The following LDLRAD3 variants were observed in gnomAD, a reference collection of about 807,000 sequenced individuals.
LDLRAD3 encodes the protein low density lipoprotein receptor class A domain containing 3.
In LDLRAD3, 20 loss-of-function variants were observed where a neutral mutation model predicts 29.4. The ratio of observed to expected loss-of-function variants is 0.68; its 90% CI spans 0.48 to 0.99. LDLRAD3 has a LOEUF of 0.99. Among genes scored for constraint, LDLRAD3 ranks in the 50% least tolerant of loss-of-function variants. The pLI is 0.00. For missense variants in LDLRAD3, 420 were observed against 454.3 expected, an observed-to-expected ratio of 0.92 and a Z score of 0.69; for synonymous variants, 157 against 192.7, an observed-to-expected ratio of 0.81 and a Z score of 1.53.
At chr11:36,176,904 C>A (rs768396993) in intron 4 of LDLRAD3, among the ~76,000 whole-genome samples, 114 of 152,246 alleles carry the variant, frequency 7.5e-4, no homozygotes, top group Non-Finnish European at 4.0e-4. Flanking sequence ...CCCTCAAATA[C>A]GTTTTCCAAA....
intron 3 of LDLRAD3, among the ~76,000 whole-genome samples, chr11:36,083,514 G>A (rs545281952): frequency 3.0e-4 from 45 of 152,038 alleles, no homozygotes; most frequent in East Asian, 2.9e-3. Flanking sequence ...AATAATAACC[G>A]AAAAGTAGTC....
At chr11:36,133,230 C>A (rs528267963) in intron 4 of LDLRAD3, among the ~76,000 whole-genome samples, 1 of 140,662 alleles carries the variant, frequency 7.1e-6, no homozygotes, top group South Asian at 2.3e-4. Flanking sequence ...GAGATGGGGC[C>A]TTGCTATGTT....
chr11:36,035,395 G>A (rs762631371), intron 1 of LDLRAD3, among the ~76,000 whole-genome samples: 11 of 152,236 alleles, frequency 7.2e-5, no homozygotes, highest in South Asian at 2.1e-4. Flanking sequence ...CCTGAGGGTT[G>A]GCTGTTCGGG....
chr11:36,098,102 T>A (rs1853389865), intron 3 of LDLRAD3, among the ~76,000 whole-genome samples: 1 of 152,190 alleles, frequency 6.6e-6, no homozygotes, highest in Non-Finnish European at 1.5e-5. Flanking sequence ...TTAACCAGAG[T>A]GGCAGATCTC....
Position 36,227,459 on chromosome 11 carries a change from G to T in LDLRAD3, c.800+29G>T, listed in dbSNP as rs369022315. The T allele has an allele frequency of 2.0e-6, 3 of 1,478,282 alleles. No homozygotes were observed. The East Asian group carries it at 6.9e-5, about 34-fold the overall frequency. 91.6% of individuals were successfully genotyped at this position (1,478,282 alleles called of 1,614,324 possible). On this transcript the variant is annotated intron_variant, in intron 5 of 5. Coordinates refer to ENST00000315571, the MANE Select transcript of LDLRAD3 (RefSeq NM_174902.4). ...TGTGCTGGATGGAAGAGATTGAGGC[G>T]GGAGAGGTCATCCATTGCGGGGAGG...
chr11:36,128,922 G>C (rs1853884839), intron 4 of LDLRAD3, among the ~76,000 whole-genome samples: 1 of 151,858 alleles, frequency 6.6e-6, no homozygotes, highest in Admixed American at 6.5e-5. Flanking sequence ...CAGAGGCCAA[G>C]GTTAGTAGAG....
At chr11:36,122,436 T>G (rs1180504026) in intron 4 of LDLRAD3, among the ~76,000 whole-genome samples, 1 of 152,180 alleles carries the variant, frequency 6.6e-6, no homozygotes, top group Non-Finnish European at 1.5e-5. Flanking sequence ...AGGATTCATC[T>G]CCTTAATTGT....
At chr11:36,112,711 C>T (rs1388908798) in intron 4 of LDLRAD3, among the ~76,000 whole-genome samples, 1 of 152,210 alleles carries the variant, frequency 6.6e-6, no homozygotes, top group Admixed American at 6.5e-5. Context: ...AGGACACAGT[C>T]ACATAGAAGC....
At chr11:35,957,480 G>A (rs1851217595) in intron 1 of LDLRAD3, among the ~76,000 whole-genome samples, 1 of 152,140 alleles carries the variant, frequency 6.6e-6, no homozygotes, top group Admixed American at 6.5e-5. Context: ...TTGGAATCGT[G>A]TAGGATGTAA....
chr11:36,078,277 C>T (rs1197052714), intron 2 of LDLRAD3, among the ~76,000 whole-genome samples: 2 of 152,204 alleles, frequency 1.3e-5, no homozygotes, highest in Non-Finnish European at 2.9e-5. Context: ...CTGGGACCTA[C>T]CCCTTCTGCC....
intron 1 of LDLRAD3, among the ~76,000 whole-genome samples, chr11:35,989,303 T>C (rs1161436181): frequency 1.3e-5 from 2 of 152,222 alleles, no homozygotes; most frequent in Non-Finnish European, 2.9e-5. Flanking sequence ...AGTCCAGTAA[T>C]GTGATGCCTG....
chr11:35,954,057 A>G (rs894805058), intron 1 of LDLRAD3, among the ~76,000 whole-genome samples: 1 of 152,238 alleles, frequency 6.6e-6, no homozygotes, highest in Non-Finnish European at 1.5e-5. Context: ...ACAGTGTAAC[A>G]ATAAACATCG....
chr11:36,115,197 C>T (rs1346427036), intron 4 of LDLRAD3, among the ~76,000 whole-genome samples: 1 of 152,174 alleles, frequency 6.6e-6, no homozygotes. Context: ...CACTGCTGTC[C>T]CAGCTGCAGA....
chr11:36,087,139 GA>G (rs546438222), intron 3 of LDLRAD3, among the ~76,000 whole-genome samples: 5 of 149,050 alleles, frequency 3.4e-5, no homozygotes, highest in Admixed American at 6.7e-5. Context: ...TAAACTCTAA[GA>G]AAAAAAAACA....
chr11:36,178,293 C>T (rs7121939), intron 4 of LDLRAD3, among the ~76,000 whole-genome samples: 120,648 of 152,076 alleles, frequency 0.79, 50,021 homozygotes, highest in Non-Finnish European at 0.91. Flanking sequence ...CTTCAACCTC[C>T]TCTCCAGCCC....
chr11:36,095,910 G>A (rs937973131), intron 3 of LDLRAD3, among the ~76,000 whole-genome samples: 3 of 152,186 alleles, frequency 2.0e-5, no homozygotes, highest in Non-Finnish European at 4.4e-5. Context: ...GTGGGATGTT[G>A]ATGGACACAA....
intron 4 of LDLRAD3, among the ~76,000 whole-genome samples, chr11:36,149,588 C>G (rs1048158314): frequency 4.1e-4 from 63 of 152,168 alleles, no homozygotes; most frequent in Admixed American, 4.0e-3. Flanking sequence ...GTTCGCTGCT[C>G]CTATCTACCT....
intron 1 of LDLRAD3, among the ~76,000 whole-genome samples, chr11:35,999,235 G>A (rs1362292234): frequency 6.6e-6 from 1 of 152,188 alleles, no homozygotes; most frequent in African/African-American, 2.4e-5. Flanking sequence ...TTAACTGGGT[G>A]CAGCCTAGAA....
chr11:36,187,345 G>A (rs1334976741), intron 4 of LDLRAD3, among the ~76,000 whole-genome samples: 1 of 152,208 alleles, frequency 6.6e-6, no homozygotes, highest in Non-Finnish European at 1.5e-5. Context: ...TATGCATGTC[G>A]TGTATCTATG....
Sources: gnomAD v4.1 joint callset for allele counts (sites outside exome capture counted in the v4.1 genomes callset) on GRCh38, gnomAD v4.1.1 for gene constraint, MANE v1.5 for transcripts, NCBI Gene and HGNC (gene_info 2026-07-23, HGNC 2026-07-21) for gene names.